GPR37: variants seen among roughly 807,000 people sequenced by gnomAD.
GPR37 encodes the protein prosaposin receptor GPR37.
In GPR37, 20 loss-of-function variants were observed where a neutral mutation model predicts 43.6. That is an observed-to-expected ratio of 0.46 (90% CI 0.32 to 0.67). The LOEUF (loss-of-function observed/expected upper bound fraction) is 0.67. GPR37 is among the 30% of genes least tolerant of loss of function. The probability of loss-of-function intolerance (pLI) is 0.03; values close to 1 mark genes in which losing one functional copy is unlikely to be tolerated. For synonymous variants in GPR37, 315 were observed against 322.6 expected, an observed-to-expected ratio of 0.98 and a Z score of 0.25; for missense variants, 724 against 797.2, an observed-to-expected ratio of 0.91 and a Z score of 1.11.
In GPR37 at chr7:124,747,337, A is replaced by AAGCG. The variant is rs1174471263; in HGVS notation, c.1026_1029dup (p.Ser344ArgfsTer69). 4.4e-6 allele frequency: 7 copies of AAGCG among 1,605,006 alleles called. No homozygotes were observed. ...AAGGTGAAAGTGGTGACTCCCAGAG[A>AAGCG]AGCGACCTGTGGGGGAACATAGAAG... On this transcript the variant is annotated frameshift_variant, in exon 2 of 2. Transcript: ENST00000303921. LOFTEE classifies it high-confidence loss of function.
chr7:124,752,994 G>GA (rs1044943085), intron 1 of GPR37, among the ~76,000 whole-genome samples: 7 of 149,312 alleles, frequency 4.7e-5, no homozygotes, highest in South Asian at 2.1e-4. Context: ...TCCTGTGTAG[G>GA]AAAAAAAAAT....
At chr7:124,755,504 C>T (rs1431662659) in intron 1 of GPR37, among the ~76,000 whole-genome samples, 3 of 151,986 alleles carry the variant, frequency 2.0e-5, no homozygotes, top group African/African-American at 7.3e-5. Flanking sequence ...CTTTATAGTC[C>T]TATCTTGAAT....
chr7:124,756,829 C>T (rs1011815871), intron 1 of GPR37, among the ~76,000 whole-genome samples: 3 of 152,132 alleles, frequency 2.0e-5, no homozygotes, highest in African/African-American at 7.2e-5. Context: ...AAAAGGTTGC[C>T]GCACATAAGA....
chr7:124,750,242 G>A (rs999916828), intron 1 of GPR37, among the ~76,000 whole-genome samples: 4 of 152,068 alleles, frequency 2.6e-5, no homozygotes, highest in African/African-American at 9.7e-5. Context: ...TCCTAAGTCT[G>A]TCAAAAACAA....
intron 1 of GPR37, among the ~76,000 whole-genome samples, chr7:124,757,231 G>T (rs1266419907): frequency 6.6e-6 from 1 of 151,944 alleles, no homozygotes; most frequent in African/African-American, 2.4e-5. Flanking sequence ...CAGAAGAAAA[G>T]GACTCAATTT....
chr7:124,757,889 A>G (rs1258354031), intron 1 of GPR37, among the ~76,000 whole-genome samples: 1 of 152,218 alleles, frequency 6.6e-6, no homozygotes, highest in Non-Finnish European at 1.5e-5. Context: ...AAATCAATGA[A>G]TGGTGAACAA....
chr7:124,754,370 T>TA (rs556007612), intron 1 of GPR37, among the ~76,000 whole-genome samples: 1 of 152,186 alleles, frequency 6.6e-6, no homozygotes, highest in South Asian at 2.1e-4. Context: ...GCAGACAAGT[T>TA]AAAAAAGATT....
At chr7:124,761,569 T>G (rs1199852698) in intron 1 of GPR37, among the ~76,000 whole-genome samples, 1 of 152,192 alleles carries the variant, frequency 6.6e-6, no homozygotes, top group African/African-American at 2.4e-5. Flanking sequence ...CCTTAATAGG[T>G]TGAACCTGAG....
intron 1 of GPR37, among the ~76,000 whole-genome samples, chr7:124,750,841 A>T (rs1250601041): frequency 6.6e-6 from 1 of 152,128 alleles, no homozygotes; most frequent in Non-Finnish European, 1.5e-5. Flanking sequence ...CTTCAATCTC[A>T]TAAGACAACA....
At chr7:124,760,392 T>C (rs144042894) in intron 1 of GPR37, among the ~76,000 whole-genome samples, 43 of 152,312 alleles carry the variant, frequency 2.8e-4, no homozygotes, top group African/African-American at 9.9e-4. Context: ...TACTTCATGA[T>C]TTTAAGAACA....
chr7:124,764,006 G>T lies in GPR37; in HGVS notation c.971C>A (p.Thr324Asn). 6.2e-7 allele frequency: 1 copy of T among 1,614,118 alleles called. No individual in the cohort carries two copies. The highest frequency in any genetic ancestry group is 8.5e-7 in the Non-Finnish European group (1 of 1,180,028). The change falls in exon 1 of 2, where the codon ACC becomes AAC. Residue 324 changes from threonine to asparagine, a missense_variant. Coordinates refer to ENST00000303921, the MANE Select transcript of GPR37 (RefSeq NM_005302.5). This position sits in a 1 kb window ranked among gnomAD's most constrained non-coding sequence, Gnocchi z 5.4. ...GAAGTCCTCCAGCAGCCACTTCTTGGTCAGCTCGTGGAAGATGACCAGCGG... is the reference window on the plus strand; with the variant it reads ...GAAGTCCTCCAGCAGCCACTTCTTGTTCAGCTCGTGGAAGATGACCAGCGG... Reference protein sequence around the residue: ...CLPLVIFHELTKKWLLEDFSC... With the variant: ...CLPLVIFHELNKKWLLEDFSC...
intron 1 of GPR37, among the ~76,000 whole-genome samples, chr7:124,756,902 G>A (rs1473475605): frequency 6.6e-6 from 1 of 152,114 alleles, no homozygotes; most frequent in Admixed American, 6.5e-5. Context: ...TGAAAGCAAA[G>A]GTAGACCCTC....
intron 1 of GPR37, among the ~76,000 whole-genome samples, chr7:124,747,761 T>G (rs901436924): frequency 6.6e-6 from 1 of 152,128 alleles, no homozygotes; most frequent in Non-Finnish European, 1.5e-5. Flanking sequence ...AGGATGCTCA[T>G]GTTTTCCAGT....
intron 1 of GPR37, among the ~76,000 whole-genome samples, chr7:124,751,228 C>T (rs1793726112): frequency 6.6e-6 from 1 of 152,034 alleles, no homozygotes; most frequent in Non-Finnish European, 1.5e-5. Context: ...CCAAATGCAG[C>T]TAGCGCTTGG....
chr7:124,759,079 T>A (rs1793824372), intron 1 of GPR37, among the ~76,000 whole-genome samples: 1 of 151,668 alleles, frequency 6.6e-6, no homozygotes, highest in Non-Finnish European at 1.5e-5. Context: ...TTTTTTTTTT[T>A]TTTTTGAGAC....
At chr7:124,759,095 C>A (rs1186249180) in intron 1 of GPR37, among the ~76,000 whole-genome samples, 1 of 145,878 alleles carries the variant, frequency 6.9e-6, no homozygotes, top group Admixed American at 6.8e-5. Flanking sequence ...GAGACAGGGT[C>A]CCACTCTGTC....
intron 1 of GPR37, among the ~76,000 whole-genome samples, chr7:124,749,256 C>T (rs987242228): frequency 3.3e-5 from 5 of 151,934 alleles, no homozygotes; most frequent in Admixed American, 6.6e-5. Flanking sequence ...ATGTTAATAA[C>T]GTTTCAGATA....
chr7:124,745,646 C>G lies in GPR37; in HGVS notation c.*879G>C, dbSNP rs1322571945. The stretch of plus-strand genomic sequence containing the variant: ...TCACAAAGCTTCAAAGGTCAGTGTT[C>G]AGAGGAAATCAGATGACAACTGCAT... On this transcript the variant is annotated 3_prime_UTR_variant, in exon 2 of 2. Transcript: ENST00000303921. 6.6e-6 allele frequency among the ~76,000 whole-genome samples: 1 copy of G among 152,112 alleles called. No individual in the cohort carries two copies. Among genetic ancestry groups the G allele is most frequent in the Non-Finnish European group, 1.5e-5 (1 of 68,020 alleles).
At chr7:124,759,066 A>ATTTTT (rs541602933) in intron 1 of GPR37, among the ~76,000 whole-genome samples, 3 of 137,182 alleles carry the variant, frequency 2.2e-5, no homozygotes, top group African/African-American at 8.2e-5. Context: ...AATTATTTGA[A>ATTTTT]TTTTTTTTTT....
Sources: allele counts gnomAD v4.1 joint callset (sites outside exome capture counted in the v4.1 genomes callset), GRCh38; gene constraint gnomAD v4.1.1; non-coding constraint Gnocchi (gnomAD v3.1); transcripts MANE v1.5; gene names NCBI Gene and HGNC (gene_info 2026-07-23, HGNC 2026-07-21).